Variants in RBM4B observed in about 807,000 individuals in gnomAD.
The protein encoded by RBM4B is RNA binding motif protein 4B, also known as RNA-binding protein 4B.
RBM4B carries 13 observed loss-of-function variants against 28.5 expected under a neutral mutation model. The observed-to-expected ratio is 0.46, with a 90% CI of 0.30 to 0.72. The LOEUF (loss-of-function observed/expected upper bound fraction) is 0.72. RBM4B is among the 30% of genes least tolerant of loss of function. The probability of loss-of-function intolerance (pLI) is 0.09; values close to 1 mark genes in which losing one functional copy is unlikely to be tolerated. For synonymous variants in RBM4B, 167 were observed against 179.1 expected (o/e 0.93, Z 0.54); for missense variants, 387 against 477.6 (o/e 0.81, Z 1.77).
intron 2 of RBM4B, among the ~76,000 whole-genome samples, chr11:66,670,268 T>A (rs1939419489): frequency 8.4e-6 from 1 of 118,718 alleles, no homozygotes; most frequent in African/African-American, 3.2e-5. Flanking sequence ...GAAAGCTACC[T>A]GACCAAGGTC....
chr11:66,675,048 A>G (rs1458037300), intron 2 of RBM4B, among the ~76,000 whole-genome samples: 1 of 152,234 alleles, frequency 6.6e-6, no homozygotes, highest in East Asian at 1.9e-4. Flanking sequence ...GAAAATAATT[A>G]AGATACTTTT....
chr11:66,672,405 C>CT (rs1449930839), intron 2 of RBM4B, among the ~76,000 whole-genome samples: 11 of 31,972 alleles, frequency 3.4e-4, no homozygotes, highest in South Asian at 3.0e-3. Flanking sequence ...GCAAGACTGT[C>CT]TAAAAAAAAA....
At chr11:66,672,399 G>C (rs1939487301) in intron 2 of RBM4B, among the ~76,000 whole-genome samples, 1 of 71,048 alleles carries the variant, frequency 1.4e-5, no homozygotes, top group South Asian at 5.6e-4. Flanking sequence ...AATAGAGCAA[G>C]ACTGTCTAAA....
intron 3 of RBM4B, 77 bp downstream of exon 3, chr11:66,668,538 T>C (rs1939333605): frequency 8.1e-7 from 1 of 1,232,680 alleles, no homozygotes. Context: ...CAGGTGGCTC[T>C]AGCCACTTTT....
At chr11:66,675,325 T>C (rs1939603073) in intron 2 of RBM4B, among the ~76,000 whole-genome samples, 1 of 152,128 alleles carries the variant, frequency 6.6e-6, no homozygotes, top group Non-Finnish European at 1.5e-5. Flanking sequence ...GTGGGGACAA[T>C]CTTAGTGAGG....
intron 2 of RBM4B, chr11:66,670,837 C>A: frequency 1.5e-6 from 1 of 668,982 alleles, no homozygotes; most frequent in Non-Finnish European, 2.7e-6. Flanking sequence ...AAAACGCAGT[C>A]AGTACAGATA....
At chr11:66,666,050 A>G in intron 3 of RBM4B, 1 of 1,213,654 alleles carries the variant, frequency 8.2e-7, no homozygotes, top group Non-Finnish European at 1.1e-6. Flanking sequence ...AATGATGGTC[A>G]CAAGGGGTAG....
In RBM4B at chr11:66,669,684, G is replaced by A. The variant is rs548499416; in HGVS notation, c.413-393C>T. Among the ~76,000 whole-genome samples the A allele has an allele frequency of 5.7e-4, 87 of 152,322 alleles. 1 individual carries two copies. The Middle Eastern group carries it at 0.01, about 18-fold the overall frequency. ...TGGTCTCAAACTCCCGACCTTGGGTGATCCGCCCGCCTTGGCCTCCCAAAG... is the reference window on the plus strand; with the variant it reads ...TGGTCTCAAACTCCCGACCTTGGGTAATCCGCCCGCCTTGGCCTCCCAAAG... On this transcript the variant is annotated intron_variant, in intron 2 of 3. Coordinates refer to ENST00000310046, the MANE Select transcript of RBM4B (RefSeq NM_031492.4).
chr11:66,672,280 C>T (rs896678435), intron 2 of RBM4B, among the ~76,000 whole-genome samples: 2 of 151,222 alleles, frequency 1.3e-5, no homozygotes, highest in Non-Finnish European at 2.9e-5. Context: ...CATGGTGGCA[C>T]ATGCCTGCAG....
At chr11:66,672,339 G>T (rs1184439827) in intron 2 of RBM4B, among the ~76,000 whole-genome samples, 1 of 149,652 alleles carries the variant, frequency 6.7e-6, no homozygotes, top group Non-Finnish European at 1.5e-5. Flanking sequence ...GAACCCGGGA[G>T]GCGGAGGCTG....
Position 66,676,504 on chromosome 11 carries a change from G to A in RBM4B, c.412+164C>T. 3.7e-6 allele frequency: 3 copies of A among 820,500 alleles called. No individual in the cohort carries two copies. The South Asian group carries it at 5.5e-5, about 15-fold the overall frequency. The allele number at this position is 820,500 out of a possible 1,614,324, so 50.8% of individuals were successfully genotyped here. A position where few individuals can be genotyped will look rare whatever the true frequency, so the allele number is the denominator to read the frequency against. On this transcript the variant is annotated intron_variant, in intron 2 of 3. Transcript: ENST00000310046. ...GCAAACCTGAAAAGGGGAAGTGTTT[G>A]CTTCCCCAGGGGTAAATTATGCTTA...
chr11:66,672,455 T>C (rs1174475148), intron 2 of RBM4B, among the ~76,000 whole-genome samples: 12 of 140,056 alleles, frequency 8.6e-5, no homozygotes, highest in African/African-American at 3.1e-4. Context: ...AAACAACCAG[T>C]CCTTCCAACG....
In RBM4B at chr11:66,669,307, G is replaced by T. The variant is rs1320944892; in HGVS notation, c.413-16C>A. 1.2e-6 allele frequency: 2 copies of T among 1,600,844 alleles called. No individual in the cohort carries two copies. The highest frequency in any genetic ancestry group is 1.3e-5 in the African/African-American group (1 of 74,566). On this transcript the variant is annotated splice_polypyrimidine_tract_variant and intron_variant, in intron 2 of 3. Coordinates refer to ENST00000310046, the MANE Select transcript of RBM4B (RefSeq NM_031492.4). ...ATTCTTTTGCCTTGAGGGAACAGAT[G>T]TAAGAAGATTTATTTTAACTCACTT...
rs748398594 is a variant in RBM4B, at chr11:66,669,176, T to C, written c.528A>G (p.Pro176=). ...GKEGHWSKEC[P]VDRTGRVADF... The stretch of plus-strand genomic sequence containing the variant: ...CTGCCACACGACCCGTACGATCTAC[T>C]GGGCACTCTTTGGACCAGTGCCCTT... Residue 176 remains proline (P), a synonymous_variant, in exon 3 of 4, where the codon CCA becomes CCG. Transcript: ENST00000310046. 3.7e-6 allele frequency: 6 copies of C among 1,614,064 alleles called. No individual in the cohort carries two copies. In the East Asian group the frequency reaches 1.3e-4, roughly 36 times the overall value.
chr11:66,671,005 A>T (rs1416359757), intron 2 of RBM4B: 1 of 702,472 alleles, frequency 1.4e-6, no homozygotes, highest in East Asian at 2.7e-5. Context: ...AGCCCTATTG[A>T]GGACGGCAGC....
At chr11:66,675,852 A>C (rs1939620353) in intron 2 of RBM4B, 1 of 152,174 alleles carries the variant, frequency 6.6e-6, no homozygotes, top group Non-Finnish European at 1.5e-5. Flanking sequence ...AATTTTATCT[A>C]ATCTGTTAAT....
chr11:66,668,621 T>C lies in RBM4B; in HGVS notation c.*3A>G. On this transcript the variant is annotated 3_prime_UTR_variant, in exon 3 of 4. Transcript: ENST00000310046. ...ATTCCCACCCATCTCTCACCTCCAG[T>C]TTTTAAAAGGCTGAGTACCGGGCTC... The C allele has an allele frequency of 6.3e-7, 1 of 1,593,010 alleles. No individual in the cohort carries two copies. Among genetic ancestry groups the C allele is most frequent in the Non-Finnish European group, 8.6e-7 (1 of 1,163,638 alleles).
Position 66,676,812 on chromosome 11 carries a change from T to C in RBM4B, c.268A>G (p.Thr90Ala). Reference protein sequence around the residue: ...LHVGNISPTCTNQELRAKFEE... With the variant: ...LHVGNISPTCANQELRAKFEE... ...AACTTGGCTCGAAGCTCTTGGTTGGTACAAGTGGGGCTGATGTTACCCACG... is the reference window on the plus strand; with the variant it reads ...AACTTGGCTCGAAGCTCTTGGTTGGCACAAGTGGGGCTGATGTTACCCACG... Residue 90 changes from threonine (T) to alanine (A), a missense_variant, in exon 2 of 4, where the codon ACC becomes GCC. This residue lies in a region of RBM4B where 161 missense variants were observed against 256.9 expected (regional missense o/e 0.63). Transcript: ENST00000310046. 6.2e-7 allele frequency: 1 copy of C among 1,614,196 alleles called. No individual in the cohort carries two copies. Among genetic ancestry groups the C allele is most frequent in the South Asian group, 1.1e-5 (1 of 91,086 alleles).
chr11:66,668,565 T>C (rs1939335249), intron 3 of RBM4B, 50 bp downstream of exon 3: 4 of 1,478,620 alleles, frequency 2.7e-6, no homozygotes, highest in African/African-American at 1.4e-5. Flanking sequence ...CATGGGTCTC[T>C]TTCAAGGGAA....
Sources: allele counts gnomAD v4.1 joint callset (sites outside exome capture counted in the v4.1 genomes callset), GRCh38; gene constraint gnomAD v4.1.1; regional missense constraint gnomAD v4.1.1; transcripts MANE v1.5; gene names NCBI Gene and HGNC (gene_info 2026-07-23, HGNC 2026-07-21).